Variants in ADPRHL1 observed in about 807,000 individuals in gnomAD.
ADPRHL1 encodes inactive ADP-ribosyltransferase ARH2.
In ADPRHL1, 43 loss-of-function variants were observed where a neutral mutation model predicts 44.1. That is an observed-to-expected ratio of 0.98 (90% CI 0.76 to 1.26). The LOEUF is 1.26. ADPRHL1 is among the 50% of genes most tolerant of loss of function. ADPRHL1 has a pLI of 0.00. For synonymous variants in ADPRHL1, 878 were observed against 1,017.4 expected, an observed-to-expected ratio of 0.86 and a Z score of 2.61; for missense variants, 2,022 against 2,496.9, an observed-to-expected ratio of 0.81 and a Z score of 4.05.
At chr13:113,435,970 C>T (rs1470643619) in intron 2 of ADPRHL1, among the ~76,000 whole-genome samples, 1 of 151,812 alleles carries the variant, frequency 6.6e-6, no homozygotes, top group Admixed American at 6.6e-5. Flanking sequence ...TACAGGTGTA[C>T]CCCGGGACCC....
rs7325661 is a variant in ADPRHL1, at chr13:113,452,966, G to A, written c.214+258C>T. ...TTTACAAATACAAGTGAAAAGTCAC[G>A]TTTAAAAACTGAATCTTAATAACTG... On this transcript the variant is annotated intron_variant, in intron 1 of 7. Transcript: ENST00000612156. Among the ~76,000 whole-genome samples, 1,054 of 152,320 alleles carry A rather than the reference G, an allele frequency of 6.9e-3. 9 individuals are homozygous for A. The highest frequency in any genetic ancestry group is 0.024 in the African/African-American group (1,014 of 41,562).
Position 113,403,554 on chromosome 13 carries a change from G to C in ADPRHL1, c.5728C>G (p.Pro1910Ala). The C allele has an allele frequency of 8.1e-7, 1 of 1,231,852 alleles. No individual in the cohort carries two copies. The highest frequency in any genetic ancestry group is 1.0e-6 in the Non-Finnish European group (1 of 987,948). 76.3% of individuals were successfully genotyped at this position (1,231,852 alleles called of 1,614,324 possible). The change falls in exon 8 of 8, where the codon CCT (proline) becomes GCT (alanine). Residue 1910 changes from proline (P) to alanine (A), a missense_variant. By Grantham distance (27) the Pro-to-Ala change is conservative. Transcript: ENST00000612156. ...APAQEGSPDH[P>A]GAERALQDRM... is the part of the protein sequence containing the mutation. ...TCCTGCAGGGCCCTCTCAGCCCCAG[G>C]GTGGTCTGGGGACCCCTCCTGGGCC...
chr13:113,422,889 AGGTCCT>A lies in ADPRHL1; in HGVS notation c.992_997del (p.Gln331_Asp332del), dbSNP rs750963721. ...GTCCTCCAGCTTCTCCTTGTCCTCC[AGGTCCT>A]GGTACAAGCCTTTGGGAACGAGGTC... On this transcript the variant is annotated inframe_deletion, in exon 7 of 8. Transcript: ENST00000612156. 3 of 1,612,942 alleles carry A rather than the reference AGGTCCT, an allele frequency of 1.9e-6. No individual in the cohort carries two copies. The highest frequency in any genetic ancestry group is 2.5e-6 in the Non-Finnish European group (3 of 1,179,996).
chr13:113,410,572 C>T (rs973725628), intron 7 of ADPRHL1, among the ~76,000 whole-genome samples: 3 of 152,214 alleles, frequency 2.0e-5, no homozygotes, highest in African/African-American at 4.8e-5. Flanking sequence ...AGCAGCTGTG[C>T]GTCCTGCTGC....
At chr13:113,417,255 C>T (rs1308947690) in intron 7 of ADPRHL1, among the ~76,000 whole-genome samples, 5 of 152,164 alleles carry the variant, frequency 3.3e-5, no homozygotes. Context: ...TCATGGTCCC[C>T]GCCGGCACCA....
intron 7 of ADPRHL1, among the ~76,000 whole-genome samples, chr13:113,419,049 CCTT>C (rs1187363721): frequency 2.6e-5 from 4 of 151,810 alleles, no homozygotes; most frequent in African/African-American, 9.7e-5. Flanking sequence ...CCCTTCCCTT[CCTT>C]CTTCTCCTTC....
At chr13:113,448,344 T>G (rs997109579) in intron 1 of ADPRHL1, among the ~76,000 whole-genome samples, 2 of 151,460 alleles carry the variant, frequency 1.3e-5, no homozygotes, top group African/African-American at 4.9e-5. Context: ...AAATACAAAG[T>G]TAGCCCAGCC....
rs1048295238 is a variant in ADPRHL1 at position 113,441,847 on chromosome 13, C to T, written c.379+2578G>A. Among the ~76,000 whole-genome samples the T allele has an allele frequency of 6.6e-6, 1 of 151,954 alleles. No homozygotes were observed. Among genetic ancestry groups the T allele is most frequent in the Non-Finnish European group, 1.5e-5 (1 of 67,968 alleles). The stretch of plus-strand genomic sequence containing the variant: ...GTGTCTCTGTCACGTTGTGTCCCGC[C>T]GCGTGGGTCCGTGTCACTATCACAC... On this transcript the variant is annotated intron_variant, in intron 2 of 7. Coordinates refer to ENST00000612156, the MANE Select transcript of ADPRHL1 (RefSeq NM_001394807.1). This position sits in a 1 kb window ranked among gnomAD's most constrained non-coding sequence, Gnocchi z 6.0.
At chr13:113,429,365 T>C (rs1042275578) in intron 3 of ADPRHL1, among the ~76,000 whole-genome samples, 7 of 152,174 alleles carry the variant, frequency 4.6e-5, no homozygotes, top group Non-Finnish European at 8.8e-5. Flanking sequence ...CCAGTTGACT[T>C]TTCTGTCTCC....
Position 113,408,176 on chromosome 13 carries a change from G to T in ADPRHL1, c.1106C>A (p.Ala369Asp). The change falls in exon 8 of 8, where the codon GCC (alanine) becomes GAC (aspartate). Residue 369 changes from alanine to aspartate, a missense_variant. Coordinates refer to ENST00000612156, the MANE Select transcript of ADPRHL1 (RefSeq NM_001394807.1). ...GCCCATCTTCTTCTTCAGGGTTTGG[G>T]CGTCCACAGACATGACGTCACTGCA... Reference protein sequence around the residue: ...KTCSDVMSVDAQTLKKKMGKL... With the variant: ...KTCSDVMSVDDQTLKKKMGKL... 2 of 1,232,024 alleles carry T rather than the reference G, an allele frequency of 1.6e-6. No homozygotes were observed. The highest frequency in any genetic ancestry group is 2.0e-6 in the Non-Finnish European group (2 of 987,988). 76.3% of individuals were successfully genotyped at this position (1,232,024 alleles called of 1,614,324 possible). A position where few individuals can be genotyped will look rare whatever the true frequency, so the allele number is the denominator to read the frequency against.
chr13:113,410,744 G>A (rs985934960), intron 7 of ADPRHL1, among the ~76,000 whole-genome samples: 21 of 152,196 alleles, frequency 1.4e-4, no homozygotes, highest in African/African-American at 2.2e-4. Context: ...CAACTGCGCC[G>A]TGGGGATGGG....
At chr13:113,428,736 G>A (rs925865009) in intron 4 of ADPRHL1, among the ~76,000 whole-genome samples, 1 of 152,256 alleles carries the variant, frequency 6.6e-6, no homozygotes, top group Non-Finnish European at 1.5e-5. Context: ...GGCTCCGGGT[G>A]GGGAGGCAAA....
chr13:113,433,602 T>C (rs990322435), intron 3 of ADPRHL1, 140 bp downstream of exon 3: 7 of 1,401,264 alleles, frequency 5.0e-6, no homozygotes, highest in Non-Finnish European at 6.6e-6. Context: ...AGGGTCAGCT[T>C]CTGTCTCCTT....
rs891918632 is a variant in ADPRHL1 at position 113,408,219 on chromosome 13, G to A, written c.1063C>T (p.Arg355Trp). 1.8e-5 allele frequency: 22 copies of A among 1,231,976 alleles called. No homozygotes were observed. Among genetic ancestry groups the A allele is most frequent in the Admixed American group, 4.2e-5 (1 of 23,730 alleles). 76.3% of individuals were successfully genotyped at this position (1,231,976 alleles called of 1,614,324 possible). A position where few individuals can be genotyped will look rare whatever the true frequency, so the allele number is the denominator to read the frequency against. The change falls in exon 8 of 8, where the codon CGG becomes TGG. Residue 355 changes from arginine (R) to tryptophan (W), a missense_variant and splice_region_variant. Coordinates refer to ENST00000612156, the MANE Select transcript of ADPRHL1 (RefSeq NM_001394807.1). ...ALYRLSTEEN[R>W]KSSKTCSDVM... The stretch of plus-strand genomic sequence containing the variant: ...TCACTGCAGGTCTTGCTGCTCTTCC[G>A]GCTGCAGAGAAAAAGGAATCATCAC...
intron 2 of ADPRHL1, among the ~76,000 whole-genome samples, chr13:113,443,446 G>GAAA (rs112291276): frequency 7.7e-6 from 1 of 130,272 alleles, no homozygotes; most frequent in Non-Finnish European, 1.7e-5. Context: ...CTTCTCTACA[G>GAAA]AAAAAAAAAA....
rs185141958 is a variant in ADPRHL1, at chr13:113,406,276, G to T, written c.3006C>A (p.Ser1002=). The T allele has an allele frequency of 4.1e-6, 5 of 1,231,982 alleles. No individual in the cohort carries two copies. The highest frequency in any genetic ancestry group is 4.0e-6 in the Non-Finnish European group (4 of 987,992). The allele number at this position is 1,231,982 out of a possible 1,614,324, so 76.3% of individuals were successfully genotyped here. A position where few individuals can be genotyped will look rare whatever the true frequency, so the allele number is the denominator to read the frequency against. The change falls in exon 8 of 8, where the codon TCC becomes TCA. Residue 1002 remains serine, a synonymous_variant. Coordinates refer to ENST00000612156, the MANE Select transcript of ADPRHL1 (RefSeq NM_001394807.1). ...SNEISMQKKG[S]ATNDPAASQN... is the part of the protein sequence containing the mutation. The stretch of plus-strand genomic sequence containing the variant: ...GTGAGGCTGCAGGATCATTTGTTGC[G>T]GAGCCCTTCTTCTGCATTGATATTT...
chr13:113,403,437 C>T lies in ADPRHL1; in HGVS notation c.5845G>A (p.Asp1949Asn), dbSNP rs1210687052. 16 of 1,232,002 alleles carry T rather than the reference C, an allele frequency of 1.3e-5. No homozygotes were observed. The highest frequency in any genetic ancestry group is 3.2e-5 in the East Asian group (1 of 31,704). The allele number at this position is 1,232,002 out of a possible 1,614,324, so 76.3% of individuals were successfully genotyped here. A position where few individuals can be genotyped will look rare whatever the true frequency, so the allele number is the denominator to read the frequency against. ...ACGCTCATTGGTCTGAAGGACAAAT[C>T]GAAGGCCCTCTGGTCACGGAAGCTC... Reference protein sequence around the residue: ...AQSFRDQRAFDLSFRPMSVRA... With the variant: ...AQSFRDQRAFNLSFRPMSVRA... Residue 1949 changes from aspartate to asparagine, a missense_variant, in exon 8 of 8, where the codon GAT becomes AAT. Around this residue, in one of 8 missense-constraint regions of ADPRHL1, gnomAD observed 205 missense variants for 250.1 expected, o/e 0.82. Transcript: ENST00000612156.
chr13:113,412,430 G>A (rs1457361106), intron 7 of ADPRHL1, among the ~76,000 whole-genome samples: 4 of 152,180 alleles, frequency 2.6e-5, no homozygotes, highest in Non-Finnish European at 2.9e-5. Flanking sequence ...CGCCTGCCTC[G>A]GCCTCCCAAA....
chr13:113,445,700 G>C (rs901833142), intron 1 of ADPRHL1, among the ~76,000 whole-genome samples: 1 of 152,148 alleles, frequency 6.6e-6, no homozygotes, highest in African/African-American at 2.4e-5. Flanking sequence ...GGAAGCAAAA[G>C]ACCTTCCTGC....
Sources: gnomAD v4.1 joint callset for allele counts (sites outside exome capture counted in the v4.1 genomes callset) on GRCh38, gnomAD v4.1.1 for gene constraint, gnomAD v4.1.1 regional missense constraint, Gnocchi (gnomAD v3.1) non-coding constraint, MANE v1.5 for transcripts, NCBI Gene and HGNC (gene_info 2026-07-23, HGNC 2026-07-21) for gene names.